The following EYS variants were observed in gnomAD, a reference collection of about 807,000 sequenced individuals.
EYS encodes EGF-like photoreceptor maintenance factor.
In EYS, 250 loss-of-function variants were observed where a neutral mutation model predicts 282.1. The ratio of observed to expected loss-of-function variants is 0.89; its 90% CI spans 0.80 to 0.98. EYS has a LOEUF of 0.98. Ranked by LOEUF, EYS falls within the 50% of genes least tolerant of loss-of-function variation. The pLI is 0.00. For synonymous variants in EYS, 1,355 were observed against 1,282.9 expected, an observed-to-expected ratio of 1.06 and a Z score of -1.20; for missense variants, 4,016 against 3,709.0, an observed-to-expected ratio of 1.08 and a Z score of -2.15.
chr6:64,834,325 T>G (rs1765317189), intron 19 of EYS, among the ~76,000 whole-genome samples: 1 of 151,904 alleles, frequency 6.6e-6, no homozygotes, highest in Non-Finnish European at 1.5e-5. Context: ...GGTTAAAGTT[T>G]AAACATATTA....
At chr6:64,798,356 T>C (rs1434044064) in intron 22 of EYS, among the ~76,000 whole-genome samples, 4 of 151,896 alleles carry the variant, frequency 2.6e-5, no homozygotes, top group Non-Finnish European at 5.9e-5. Context: ...TTAGGAGATA[T>C]CAAAAAATAT....
At chr6:64,780,456 C>T (rs573332955) in intron 22 of EYS, among the ~76,000 whole-genome samples, 1 of 152,082 alleles carries the variant, frequency 6.6e-6, no homozygotes, top group Non-Finnish European at 1.5e-5. Flanking sequence ...TAAGTGGGAG[C>T]TAACCAATGG....
In EYS at chr6:64,727,707, A is replaced by T. The variant is rs116816981; in HGVS notation, c.3443+85671T>A. 3.9e-3 allele frequency among the ~76,000 whole-genome samples: 587 copies of T among 152,316 alleles called. 6 individuals are homozygous for T. The highest frequency in any genetic ancestry group is 0.013 in the African/African-American group (551 of 41,576). ...TTAATTAATCATCTTAGCCAACAAC[A>T]TCTTAGCACACAATCTCATAACACA... On this transcript the variant is annotated intron_variant, in intron 22 of 42. Transcript: ENST00000503581.
intron 26 of EYS, among the ~76,000 whole-genome samples, chr6:64,537,646 T>G (rs1381735511): frequency 1.3e-5 from 2 of 152,204 alleles, no homozygotes; most frequent in African/African-American, 2.4e-5. Flanking sequence ...ACATAATCTC[T>G]CTTGTAGAGT....
chr6:65,627,337 T>C (rs1473981377), intron 2 of EYS, among the ~76,000 whole-genome samples: 1 of 152,080 alleles, frequency 6.6e-6, no homozygotes, highest in African/African-American at 2.4e-5. Context: ...GTTGCATTTG[T>C]AATGGTACTG....
rs530412018 is a variant in EYS, at chr6:64,737,405, G to A, written c.3443+75973C>T. Among the ~76,000 whole-genome samples, 72 of 152,158 alleles carry A rather than the reference G, an allele frequency of 4.7e-4. 1 individual carries two copies. Among genetic ancestry groups the A allele is most frequent in the African/African-American group, 1.5e-3 (62 of 41,514 alleles). ...TCCATTTTAAACCAAATGCAACCAC[G>A]CTTTAACCTGGTAGAGAAAAACAAT... On this transcript the variant is annotated intron_variant, in intron 22 of 42. Transcript: ENST00000503581.
At position 65,442,500 on chromosome 6, in the gene EYS, A is replaced by T. The variant is rs376087816; in HGVS notation, c.863-37133T>A. Among the ~76,000 whole-genome samples the T allele has an allele frequency of 1.8e-4, 27 of 152,150 alleles. No homozygotes were observed. In the East Asian group the frequency reaches 5.2e-3, roughly 29 times the overall value. On this transcript the variant is annotated intron_variant, in intron 5 of 42. Coordinates refer to ENST00000503581, the MANE Select transcript of EYS (RefSeq NM_001142800.2). ...CCAGGCACAGTGGTTCATGCCTGTA[A>T]TCCCAGCACTTTGGGAGGTCAGGGG... is the stretch of plus-strand genomic sequence containing the variant.
intron 22 of EYS, among the ~76,000 whole-genome samples, chr6:64,811,421 T>TAA (rs35955002): frequency 0.044 from 6,414 of 146,268 alleles, 391 homozygotes; most frequent in African/African-American, 0.14. Flanking sequence ...CTTCATGCTG[T>TAA]AAAAAAAAAA....
rs186078599 is a variant in EYS, at chr6:64,955,723, G to T, written c.2260-9809C>A. Among the ~76,000 whole-genome samples, 351 of 152,264 alleles carry T rather than the reference G, an allele frequency of 2.3e-3. 1 individual carries two copies. Among genetic ancestry groups the T allele is most frequent in the African/African-American group, 8.2e-3 (340 of 41,546 alleles). ...GATGGAGTCACTATGGTCTACTCCA[G>T]ATATGCATAGATGCAACGTCCCCGG... On this transcript the variant is annotated intron_variant, in intron 14 of 42. Transcript: ENST00000503581.
At chr6:65,468,619 G>C (rs980949965) in intron 5 of EYS, among the ~76,000 whole-genome samples, 10 of 151,924 alleles carry the variant, frequency 6.6e-5, no homozygotes, top group African/African-American at 2.4e-4. Flanking sequence ...GTCCTTTTAA[G>C]TATTTGGGTG....
At chr6:63,969,739 C>T (rs923403970) in intron 35 of EYS, among the ~76,000 whole-genome samples, 2 of 152,176 alleles carry the variant, frequency 1.3e-5, no homozygotes, top group African/African-American at 4.8e-5. Context: ...TCTTCATCCC[C>T]CACAGGACCA....
intron 33 of EYS, among the ~76,000 whole-genome samples, chr6:64,028,464 G>A (rs992770814): frequency 6.6e-6 from 1 of 152,186 alleles, no homozygotes; most frequent in Non-Finnish European, 1.5e-5. Flanking sequence ...CATTAATGAG[G>A]CAGTAATTCC....
At position 65,001,462 on chromosome 6, in the gene EYS, T is replaced by C. The variant is rs545744950; in HGVS notation, c.2138-3759A>G. On this transcript the variant is annotated intron_variant, in intron 13 of 42. Transcript: ENST00000503581. ...TCTCTTTCTCTGCGGAAGAGTCCGT[T>C]GGTCTGCCTGTCTTACCTCTTCAAC... Among the ~76,000 whole-genome samples the C allele has an allele frequency of 3.6e-4, 53 of 147,838 alleles. 2 individuals are homozygous for C. Among genetic ancestry groups the C allele is most frequent in the African/African-American group, 1.3e-3 (53 of 41,298 alleles).
chr6:63,737,269 C>A (rs1299890714), intron 41 of EYS, among the ~76,000 whole-genome samples: 2 of 152,220 alleles, frequency 1.3e-5, no homozygotes, highest in African/African-American at 2.4e-5. Flanking sequence ...CCCATCAATA[C>A]CTAATTTATT....
Position 63,864,328 on chromosome 6 carries a change from T to G in EYS, c.7086A>C (p.Pro2362=). 6.4e-7 allele frequency: 1 copy of G among 1,551,440 alleles called. No individual in the cohort carries two copies. Among genetic ancestry groups the G allele is most frequent in the Non-Finnish European group, 8.7e-7 (1 of 1,146,782 alleles). The change falls in exon 36 of 43, where the codon CCA becomes CCC. Residue 2362 remains proline, a synonymous_variant. Coordinates refer to ENST00000503581, the MANE Select transcript of EYS (RefSeq NM_001142800.2). ...GGCACAGCTTGCCTGAATACAGCCT[T>G]GGACACTCACAAAACAGATTTTCAT... ...SDNENLFCEC[P]RLYSGKLCQF... is the part of the protein sequence containing the mutation.
At chr6:64,617,587 G>A (rs376405722) in intron 23 of EYS, 54 bp from the exon 24 acceptor site, 17 of 989,852 alleles carry the variant, frequency 1.7e-5, no homozygotes, top group African/African-American at 1.6e-4. Context: ...AATAAAAACA[G>A]TTATGCTAAT....
At chr6:65,078,347 T>C (rs1774120215) in intron 12 of EYS, among the ~76,000 whole-genome samples, 1 of 152,108 alleles carries the variant, frequency 6.6e-6, no homozygotes, top group South Asian at 2.1e-4. Context: ...TGTTAAACTA[T>C]TTTTCTTAAT....
At chr6:64,614,681 A>G (rs1038684781) in intron 24 of EYS, among the ~76,000 whole-genome samples, 3 of 152,120 alleles carry the variant, frequency 2.0e-5, no homozygotes, top group African/African-American at 7.2e-5. Flanking sequence ...GGCCTAGCCT[A>G]CCTTAAATTT....
At chr6:65,027,851 A>G (rs1772468614) in intron 13 of EYS, among the ~76,000 whole-genome samples, 1 of 152,206 alleles carries the variant, frequency 6.6e-6, no homozygotes. Context: ...ATAAAGGTGA[A>G]TATGAATATG....
Sources: gnomAD v4.1 joint callset for allele counts (sites outside exome capture counted in the v4.1 genomes callset) on GRCh38, gnomAD v4.1.1 for gene constraint, MANE v1.5 for transcripts, NCBI Gene and HGNC (gene_info 2026-07-23, HGNC 2026-07-21) for gene names.